The following FBXO34 variants were observed in gnomAD, a reference collection of about 807,000 sequenced individuals.
FBXO34 encodes the protein F-box only protein 34.
Under a neutral mutation model 24.5 loss-of-function variants are expected in FBXO34, and 12 were observed. The ratio of observed to expected loss-of-function variants is 0.49; its 90% CI spans 0.31 to 0.79. The LOEUF (loss-of-function observed/expected upper bound fraction) is 0.79. Ranked by LOEUF, FBXO34 falls within the 30% of genes least tolerant of loss-of-function variation. The pLI is 0.04. For missense variants in FBXO34, 823 were observed against 857.7 expected, an observed-to-expected ratio of 0.96 and a Z score of 0.51; for synonymous variants, 320 against 311.9, an observed-to-expected ratio of 1.03 and a Z score of -0.27.
downstream of FBXO34, among the ~76,000 whole-genome samples, chr14:55,356,709 C>T (rs538386724): frequency 6.6e-6 from 1 of 152,064 alleles, no homozygotes; most frequent in Admixed American, 6.5e-5. Context: ...CTGCCCACCT[C>T]AGCCTCCCAA....
chr14:55,406,187 C>T, the FBXO34 span, among the ~76,000 whole-genome samples: 1 of 152,092 alleles, frequency 6.6e-6, no homozygotes, highest in Non-Finnish European at 1.5e-5. Flanking sequence ...AGCTGCTAAA[C>T]CACTAAAACC....
At chr14:55,369,701 G>C (rs770194612), downstream of FBXO34, 1 of 1,607,348 alleles carries the variant, frequency 6.2e-7, no homozygotes, top group Middle Eastern at 1.7e-4. Flanking sequence ...ACTGCTGCTC[G>C]CGATGGGTGG....
chr14:55,435,835 G>A, the FBXO34 span: 8 of 1,531,628 alleles, frequency 5.2e-6, no homozygotes, highest in Non-Finnish European at 6.2e-6. Context: ...AAGGAATACT[G>A]AGAAATGTTA....
At chr14:55,340,194 A>G (rs141661500) in intron 1 of FBXO34, among the ~76,000 whole-genome samples, 1 of 152,084 alleles carries the variant, frequency 6.6e-6, no homozygotes, top group African/African-American at 2.4e-5. Context: ...CCTGGCTTGC[A>G]AGCAAACTCT....
chr14:55,354,585 A>T (rs1328701568), downstream of FBXO34: 1 of 152,260 alleles, frequency 6.6e-6, no homozygotes, highest in South Asian at 2.1e-4. Context: ...CAGAGGGCAC[A>T]GTAAGTATGT....
the FBXO34 span, among the ~76,000 whole-genome samples, chr14:55,441,613 G>A: frequency 6.6e-6 from 1 of 152,274 alleles, no homozygotes; most frequent in South Asian, 2.1e-4. Context: ...ACAAAACAGT[G>A]TGTTGCTGCA....
At chr14:55,390,015 G>C in the FBXO34 span, among the ~76,000 whole-genome samples, 82 of 151,774 alleles carry the variant, frequency 5.4e-4, 4 homozygotes, top group East Asian at 0.011. Flanking sequence ...TTACAAGTGA[G>C]TACCAAGTTA....
chr14:55,307,552 C>T (rs531940636), intron 1 of FBXO34, among the ~76,000 whole-genome samples: 28 of 152,318 alleles, frequency 1.8e-4, no homozygotes, highest in Non-Finnish European at 3.4e-4. Flanking sequence ...TACTTCACTG[C>T]ACATCTTTAC....
chr14:55,397,370 ACT>A, the FBXO34 span: 1 of 1,612,252 alleles, frequency 6.2e-7, no homozygotes, highest in Admixed American at 1.7e-5. Flanking sequence ...CAAAACACTC[ACT>A]CTTTCTGAAA....
chr14:55,370,082 T>G (rs1305367607), downstream of FBXO34, among the ~76,000 whole-genome samples: 1 of 152,228 alleles, frequency 6.6e-6, no homozygotes, highest in Non-Finnish European at 1.5e-5. Context: ...GACATATGAT[T>G]GCGTTTTCCT....
chr14:55,302,950 A>G (rs1196020292), intron 1 of FBXO34, among the ~76,000 whole-genome samples: 1 of 152,218 alleles, frequency 6.6e-6, no homozygotes, highest in Non-Finnish European at 1.5e-5. Flanking sequence ...AGAGGCTAAC[A>G]GTTGTCAGGG....
chr14:55,379,362 C>G, the FBXO34 span, among the ~76,000 whole-genome samples: 1 of 151,684 alleles, frequency 6.6e-6, no homozygotes, highest in African/African-American at 2.4e-5. Flanking sequence ...ATAGGGAGAC[C>G]CTGTCTCATA....
chr14:55,294,806 C>A (rs1882065699), intron 1 of FBXO34, among the ~76,000 whole-genome samples: 1 of 152,202 alleles, frequency 6.6e-6, no homozygotes, highest in Non-Finnish European at 1.5e-5. Flanking sequence ...TCACCTGCCT[C>A]AGTCTTCTAG....
chr14:55,363,023 C>CTCTTT (rs58355682), downstream of FBXO34, among the ~76,000 whole-genome samples: 52 of 132,356 alleles, frequency 3.9e-4, no homozygotes, highest in East Asian at 4.3e-3. Flanking sequence ...TTCTCTCTCT[C>CTCTTT]TTTTTTTTTT....
chr14:55,354,573 AG>A (rs1884491660), downstream of FBXO34: 1 of 152,232 alleles, frequency 6.6e-6, no homozygotes, highest in Admixed American at 6.5e-5. Context: ...AGTGACCAAG[AG>A]CAGAGGGCAC....
At chr14:55,441,876 C>T in the FBXO34 span, among the ~76,000 whole-genome samples, 1 of 151,912 alleles carries the variant, frequency 6.6e-6, no homozygotes, top group Non-Finnish European at 1.5e-5. Context: ...AATTCTTGTG[C>T]CTCAGTCTCC....
intron 1 of FBXO34, chr14:55,298,874 C>A (rs943939362): frequency 1.2e-6 from 2 of 1,606,548 alleles, no homozygotes; most frequent in Non-Finnish European, 1.7e-6. Context: ...TATCAACCAT[C>A]GAGTTCCAGC....
downstream of FBXO34, chr14:55,366,642 C>CTCAG (rs1884685537): frequency 6.6e-6 from 1 of 151,826 alleles, no homozygotes; most frequent in African/African-American, 2.4e-5. Flanking sequence ...CAAAACTTTT[C>CTCAG]TTATATTCCA....
Position 55,352,652 on chromosome 14 carries a change from T to TCTG in FBXO34, c.*126_*127insCTG. On this transcript the variant is annotated 3_prime_UTR_variant, in exon 2 of 2. Coordinates refer to ENST00000313833, the MANE Select transcript of FBXO34 (RefSeq NM_017943.4). ...GAATCTGTACATCATCAGGACTGCA[T>TCTG]TGCTCAGGCATTTTCTAAACTCTAA... The TCTG allele has an allele frequency of 1.3e-6, 1 of 785,740 alleles. No homozygotes were observed. Among genetic ancestry groups the TCTG allele is most frequent in the Non-Finnish European group, 2.0e-6 (1 of 512,598 alleles). 48.7% of individuals were successfully genotyped at this position (785,740 alleles called of 1,614,324 possible). A position where few individuals can be genotyped will look rare whatever the true frequency, so the allele number is the denominator to read the frequency against.
Sources: allele counts gnomAD v4.1 joint callset (sites outside exome capture counted in the v4.1 genomes callset), GRCh38; gene constraint gnomAD v4.1.1; transcripts MANE v1.5; gene names NCBI Gene and HGNC (gene_info 2026-07-23, HGNC 2026-07-21).